GFOD1: variants seen among roughly 807,000 people sequenced by gnomAD.
The protein encoded by GFOD1 is glucose-fructose oxidoreductase domain-containing protein 1.
GFOD1 carries 9 observed loss-of-function variants against 25.4 expected under a neutral mutation model. The observed-to-expected ratio is 0.35, with a 90% CI of 0.21 to 0.62. The LOEUF is 0.62. Ranked by LOEUF, GFOD1 falls within the 20% of genes least tolerant of loss-of-function variation. GFOD1 has a pLI of 0.72. For synonymous variants in GFOD1, 253 were observed against 245.6 expected (o/e 1.03, Z -0.28); for missense variants, 403 against 556.9 (o/e 0.72, Z 2.78).
chr6:13,359,088 G>A lies in GFOD1; in HGVS notation c.*5655C>T, dbSNP rs575823136. 6.6e-6 allele frequency: 1 copy of A among 152,454 alleles called. No individual in the cohort carries two copies. The highest frequency in any genetic ancestry group is 2.4e-5 in the African/African-American group (1 of 41,586). The allele number at this position is 152,454 out of a possible 1,614,324, so 9.4% of individuals were successfully genotyped here. ...CATCACCTTTTAAAGAAGCGCAGGA[G>A]GTCTTGACTCTTCCTATGAGAAGTC... On this transcript the variant is annotated 3_prime_UTR_variant, in exon 2 of 2. Coordinates refer to ENST00000379287, the MANE Select transcript of GFOD1 (RefSeq NM_018988.4).
Position 13,366,583 on chromosome 6 carries a change from C to G in GFOD1, c.254-921G>C, listed in dbSNP as rs1287612193. On this transcript the variant is annotated intron_variant, in intron 1 of 1. Transcript: ENST00000379287. ...ACTCCTGACCTCATGATCCGCCCAC[C>G]TCAGCCTCCCAAAGTTCTGGGATTA... 3.9e-5 allele frequency among the ~76,000 whole-genome samples: 6 copies of G among 152,306 alleles called. No homozygotes were observed. The East Asian group carries it at 1.2e-3, about 29-fold the overall frequency.
At chr6:13,483,779 CG>C in intron 1 of GFOD1, among the ~76,000 whole-genome samples, 1 of 152,148 alleles carries the variant, frequency 6.6e-6, no homozygotes, top group South Asian at 2.1e-4. Context: ...GAAATGACTC[CG>C]GGGGAGGTAG....
chr6:13,413,127 G>C (rs770899519), intron 1 of GFOD1, among the ~76,000 whole-genome samples: 19 of 152,150 alleles, frequency 1.2e-4, no homozygotes, highest in African/African-American at 4.1e-4. Context: ...TAGACTGAGG[G>C]GCCACTCGTA....
At chr6:13,387,321 G>T (rs1038109188) in intron 1 of GFOD1, among the ~76,000 whole-genome samples, 3 of 152,142 alleles carry the variant, frequency 2.0e-5, no homozygotes, top group African/African-American at 7.2e-5. Context: ...CAAAAAAAGA[G>T]AATTTTAGGC....
intron 1 of GFOD1, among the ~76,000 whole-genome samples, chr6:13,437,819 T>C (rs1391909311): frequency 5.3e-5 from 8 of 152,206 alleles, no homozygotes; most frequent in African/African-American, 1.9e-4. Context: ...CTGGTGCACT[T>C]GAGTTTGCAA....
intron 1 of GFOD1, among the ~76,000 whole-genome samples, chr6:13,418,584 A>G (rs1367013385): frequency 6.6e-6 from 1 of 152,184 alleles, no homozygotes; most frequent in Non-Finnish European, 1.5e-5. Context: ...CTGAACTTGA[A>G]CCTGAGACAC....
intron 1 of GFOD1, among the ~76,000 whole-genome samples, chr6:13,368,293 T>C (rs773339727): frequency 6.6e-6 from 1 of 152,256 alleles, no homozygotes; most frequent in African/African-American, 2.4e-5. Context: ...TTGGCAGAGC[T>C]GGGCTGGTGC....
chr6:13,389,654 C>T (rs544957630), intron 1 of GFOD1, among the ~76,000 whole-genome samples: 2 of 151,982 alleles, frequency 1.3e-5, no homozygotes, highest in Non-Finnish European at 2.9e-5. Context: ...AGGAGAAATA[C>T]CTAATGTAAA....
At chr6:13,474,982 C>A (rs1415282702) in intron 1 of GFOD1, among the ~76,000 whole-genome samples, 1 of 152,100 alleles carries the variant, frequency 6.6e-6, no homozygotes, top group East Asian at 1.9e-4. Context: ...GTTCCAAAAT[C>A]AAAAATAAGA....
At chr6:13,377,994 G>C (rs1298207833) in intron 1 of GFOD1, among the ~76,000 whole-genome samples, 1 of 152,164 alleles carries the variant, frequency 6.6e-6, no homozygotes, top group Admixed American at 6.5e-5. Flanking sequence ...AACAGAAACA[G>C]GTGCAGAGCA....
At chr6:13,432,458 T>G (rs1033145212) in intron 1 of GFOD1, among the ~76,000 whole-genome samples, 1 of 152,060 alleles carries the variant, frequency 6.6e-6, no homozygotes, top group African/African-American at 2.4e-5. Flanking sequence ...TCTTCCCACC[T>G]TGGCCTCCCA....
In GFOD1 at chr6:13,360,775, T is replaced by G; in HGVS notation, c.*3968A>C. On this transcript the variant is annotated 3_prime_UTR_variant, in exon 2 of 2. Coordinates refer to ENST00000379287, the MANE Select transcript of GFOD1 (RefSeq NM_018988.4). ...CAGGCTGAGTGGAGCCGCAGGTTAG[T>G]CCATGCTTGTCACAGTCCTTCCTGG... 4.4e-6 allele frequency: 2 copies of G among 456,748 alleles called. No individual in the cohort carries two copies. Among genetic ancestry groups the G allele is most frequent in the Middle Eastern group, 6.5e-4 (2 of 3,076 alleles). The allele number at this position is 456,748 out of a possible 1,614,324, so 28.3% of individuals were successfully genotyped here.
chr6:13,373,777 G>A (rs1409401110), intron 1 of GFOD1, among the ~76,000 whole-genome samples: 30 of 80,460 alleles, frequency 3.7e-4, no homozygotes, highest in Admixed American at 3.5e-3. Context: ...CACACACTAC[G>A]CTTTTTTTTT....
Position 13,361,293 on chromosome 6 carries a change from A to T in GFOD1, c.*3450T>A, listed in dbSNP as rs1206469336. ...TCAAATAGGCCCAGGGCACTCCCAAACATTTTTTAAATACCAGGTAAGAAC... is the reference window on the plus strand; with the variant it reads ...TCAAATAGGCCCAGGGCACTCCCAATCATTTTTTAAATACCAGGTAAGAAC... On this transcript the variant is annotated 3_prime_UTR_variant, in exon 2 of 2. Transcript: ENST00000379287. The T allele has an allele frequency of 1.2e-5, 2 of 166,242 alleles. No individual in the cohort carries two copies. Among genetic ancestry groups the T allele is most frequent in the Non-Finnish European group, 2.6e-5 (2 of 75,818 alleles). 10.3% of individuals were successfully genotyped at this position (166,242 alleles called of 1,614,324 possible).
At chr6:13,442,649 C>A (rs1224989739) in intron 1 of GFOD1, among the ~76,000 whole-genome samples, 4 of 152,190 alleles carry the variant, frequency 2.6e-5, no homozygotes, top group Non-Finnish European at 5.9e-5. Context: ...GTCTTAGAGT[C>A]CTTAATAATT....
At chr6:13,436,922 G>C (rs1183250291) in intron 1 of GFOD1, among the ~76,000 whole-genome samples, 1 of 152,182 alleles carries the variant, frequency 6.6e-6, no homozygotes, top group Non-Finnish European at 1.5e-5. Context: ...CTCCAGTTCA[G>C]AGCTTTGTGC....
intron 1 of GFOD1, among the ~76,000 whole-genome samples, chr6:13,473,016 TGAGAAAGGGAG>T (rs1758541890): frequency 6.6e-6 from 1 of 151,706 alleles, no homozygotes; most frequent in Non-Finnish European, 1.5e-5. Context: ...TGCTGACAGG[TGAGAAAGGGAG>T]GAGAAAGGGA....
In GFOD1 at chr6:13,374,728, C is replaced by CTTTTTTTTT. The variant is rs147560408; in HGVS notation, c.254-9075_254-9067dup. ...AATTAGCATATTCATCATCTCAAAT[C>CTTTTTTTTT]TTTTTTTTTTTTTTTTTTTTTTTTG... is the stretch of plus-strand genomic sequence containing the variant. On this transcript the variant is annotated intron_variant, in intron 1 of 1. Transcript: ENST00000379287. Among the ~76,000 whole-genome samples the CTTTTTTTTT allele has an allele frequency of 1.5e-4, 10 of 66,778 alleles. 1 individual carries two copies. Among genetic ancestry groups the CTTTTTTTTT allele is most frequent in the Admixed American group, 9.3e-4 (4 of 4,314 alleles). 43.8% of individuals were successfully genotyped at this position (66,778 alleles called of 152,430 possible).
At chr6:13,408,784 A>G (rs952158528) in intron 1 of GFOD1, among the ~76,000 whole-genome samples, 2 of 152,056 alleles carry the variant, frequency 1.3e-5, no homozygotes, top group African/African-American at 4.8e-5. Flanking sequence ...ATGACAGTTC[A>G]TTTTCTAAAA....
Sources: gnomAD v4.1 joint callset for allele counts (sites outside exome capture counted in the v4.1 genomes callset) on GRCh38, gnomAD v4.1.1 for gene constraint, MANE v1.5 for transcripts, NCBI Gene and HGNC (gene_info 2026-07-23, HGNC 2026-07-21) for gene names.